The following TMEM178B variants were observed in gnomAD, a reference collection of about 807,000 sequenced individuals.
TMEM178B encodes transmembrane protein 178B.
In TMEM178B, 5 loss-of-function variants were observed where a neutral mutation model predicts 31.0. The ratio of observed to expected loss-of-function variants is 0.16; its 90% confidence interval spans 0.08 to 0.34. The LOEUF (loss-of-function observed/expected upper bound fraction) is 0.34. Ranked by LOEUF, TMEM178B falls within the 10% of genes least tolerant of loss-of-function variation. The pLI is 1.00. For synonymous variants in TMEM178B, 164 were observed against 164.0 expected (o/e 1.00, Z 0.00); for missense variants, 275 against 400.3 (o/e 0.69, Z 2.67).
intron 2 of TMEM178B, among the ~76,000 whole-genome samples, chr7:141,280,587 AT>A (rs1378073570): frequency 6.6e-6 from 1 of 152,050 alleles, no homozygotes; most frequent in East Asian, 1.9e-4. Flanking sequence ...TGTTAAACCC[AT>A]TTTTCTTTAA....
In TMEM178B at chr7:141,074,713, G is replaced by A. The variant is rs1264544200; in HGVS notation, c.382+21G>A. On this transcript the variant is annotated intron_variant, in intron 1 of 3. Transcript: ENST00000565468. This position sits in a 1 kb window ranked among gnomAD's most constrained non-coding sequence, Gnocchi z 5.1. Reference sequence around the variant, plus strand: ...GAAAGGTAAGCGCCGGGCGCAAGGCGTGGCGCTGCGGAGAGCCCGGCGCCT... The same window carrying A: ...GAAAGGTAAGCGCCGGGCGCAAGGCATGGCGCTGCGGAGAGCCCGGCGCCT... The A allele has an allele frequency of 6.2e-6, 9 of 1,460,160 alleles. No homozygotes were observed. The South Asian group carries it at 1.2e-4, about 20-fold the overall frequency. The allele number at this position is 1,460,160 out of a possible 1,614,324, so 90.5% of individuals were successfully genotyped here. A position where few individuals can be genotyped will look rare whatever the true frequency, so the allele number is the denominator to read the frequency against.
intron 2 of TMEM178B, among the ~76,000 whole-genome samples, chr7:141,435,274 A>G (rs1426540582): frequency 6.6e-6 from 1 of 152,232 alleles, no homozygotes; most frequent in Non-Finnish European, 1.5e-5. Context: ...AAAATCCAAA[A>G]CTATACATCC....
chr7:141,290,749 C>T (rs569331963), intron 2 of TMEM178B, among the ~76,000 whole-genome samples: 2 of 152,320 alleles, frequency 1.3e-5, no homozygotes, highest in Non-Finnish European at 2.9e-5. Flanking sequence ...TTCGGCCTCT[C>T]CTTTGTCACA....
intron 1 of TMEM178B, among the ~76,000 whole-genome samples, chr7:141,161,789 G>A (rs1383349187): frequency 2.6e-5 from 4 of 152,050 alleles, no homozygotes; most frequent in African/African-American, 9.7e-5. Flanking sequence ...GTGTGTGTTT[G>A]TGTGTGAAGA....
At chr7:141,155,893 C>T (rs577744025) in intron 1 of TMEM178B, among the ~76,000 whole-genome samples, 43 of 152,198 alleles carry the variant, frequency 2.8e-4, no homozygotes, top group South Asian at 1.0e-3. Context: ...GGTGAAAACC[C>T]GTTGTTACTA....
intron 1 of TMEM178B, among the ~76,000 whole-genome samples, chr7:141,172,714 G>A (rs1796367984): frequency 6.6e-6 from 1 of 152,214 alleles, no homozygotes; most frequent in African/African-American, 2.4e-5. Flanking sequence ...CATTGGCTAA[G>A]GGAGGAACAA....
At chr7:141,454,633 C>T (rs1285160528) in intron 3 of TMEM178B, among the ~76,000 whole-genome samples, 1 of 147,432 alleles carries the variant, frequency 6.8e-6, no homozygotes, top group African/African-American at 2.5e-5. Flanking sequence ...TTCCTTTCCT[C>T]ACCCACCAAT....
intron 1 of TMEM178B, among the ~76,000 whole-genome samples, chr7:141,135,922 T>C (rs1289871545): frequency 2.8e-5 from 4 of 141,714 alleles, no homozygotes; most frequent in Non-Finnish European, 5.9e-5. Context: ...AAATGAGAGG[T>C]TTTTTTTGAA....
intron 2 of TMEM178B, among the ~76,000 whole-genome samples, chr7:141,289,726 A>G (rs543650113): frequency 1.3e-5 from 2 of 151,536 alleles, no homozygotes; most frequent in African/African-American, 4.8e-5. Flanking sequence ...AAAAAAAAAA[A>G]AAAAAGAAAA....
chr7:141,084,971 C>T (rs1014985685), intron 1 of TMEM178B, among the ~76,000 whole-genome samples: 6 of 151,890 alleles, frequency 4.0e-5, no homozygotes, highest in Non-Finnish European at 7.4e-5. Flanking sequence ...CTCCGCCTCC[C>T]GGGTTCAAGT....
rs115750986 is a variant in TMEM178B at position 141,264,868 on chromosome 7, T to C, written c.496+52164T>C. On this transcript the variant is annotated intron_variant, in intron 2 of 3. Transcript: ENST00000565468. Reference sequence around the variant, plus strand: ...GGACTGTGTTTTGCGAGCATGTCAATAGTAATGACTATTATAATGATAAAT... The same window carrying C: ...GGACTGTGTTTTGCGAGCATGTCAACAGTAATGACTATTATAATGATAAAT... 5.5e-3 allele frequency among the ~76,000 whole-genome samples: 832 copies of C among 152,296 alleles called. 10 individuals carry two copies. The highest frequency in any genetic ancestry group is 0.019 in the African/African-American group (789 of 41,554).
At chr7:141,412,490 C>G (rs978234295) in intron 2 of TMEM178B, among the ~76,000 whole-genome samples, 2 of 152,054 alleles carry the variant, frequency 1.3e-5, no homozygotes, top group South Asian at 4.1e-4. Context: ...GATCATGGGC[C>G]CAAGAGAGTT....
At chr7:141,317,067 C>T (rs1563149716) in intron 2 of TMEM178B, among the ~76,000 whole-genome samples, 1 of 151,948 alleles carries the variant, frequency 6.6e-6, no homozygotes, top group East Asian at 1.9e-4. Context: ...TAAATATTTC[C>T]TTTTTTTTCC....
At chr7:141,465,922 C>T (rs1382487861) in intron 3 of TMEM178B, among the ~76,000 whole-genome samples, 3 of 152,136 alleles carry the variant, frequency 2.0e-5, no homozygotes, top group Admixed American at 1.3e-4. Context: ...ACTAGGGAGG[C>T]TGAGGTGGGA....
At chr7:141,296,171 A>G (rs1304947940) in intron 2 of TMEM178B, among the ~76,000 whole-genome samples, 1 of 151,898 alleles carries the variant, frequency 6.6e-6, no homozygotes, top group Admixed American at 6.6e-5. Flanking sequence ...AGGTCCAAGC[A>G]ATTCTCCTGC....
chr7:141,187,539 C>T (rs997807359), intron 1 of TMEM178B, among the ~76,000 whole-genome samples: 1 of 152,156 alleles, frequency 6.6e-6, no homozygotes, highest in Non-Finnish European at 1.5e-5. Context: ...AATGGTTGAA[C>T]TAGTTTACAG....
intron 1 of TMEM178B, among the ~76,000 whole-genome samples, chr7:141,120,185 C>T (rs888013181): frequency 3.3e-5 from 5 of 152,128 alleles, no homozygotes; most frequent in African/African-American, 1.2e-4. Flanking sequence ...CTCAACTCTT[C>T]CCTTTAGAAG....
chr7:141,483,739 C>T (rs1289661834), downstream of TMEM178B, among the ~76,000 whole-genome samples: 3 of 144,040 alleles, frequency 2.1e-5, no homozygotes. Flanking sequence ...TGCCCTTCTT[C>T]TTTTTTTTTT....
At chr7:141,491,119 C>T in the TMEM178B span, among the ~76,000 whole-genome samples, 2 of 152,098 alleles carry the variant, frequency 1.3e-5, no homozygotes, top group Non-Finnish European at 2.9e-5. Flanking sequence ...CCTTGACCTC[C>T]CCAACTCAAG....
Sources: allele counts gnomAD v4.1 joint callset (sites outside exome capture counted in the v4.1 genomes callset), GRCh38; gene constraint gnomAD v4.1.1; non-coding constraint Gnocchi (gnomAD v3.1); transcripts MANE v1.5; gene names NCBI Gene and HGNC (gene_info 2026-07-23, HGNC 2026-07-21).